The following MRPL33 variants were observed in gnomAD, a reference collection of about 807,000 sequenced individuals.
MRPL33 encodes large ribosomal subunit protein bL33m.
A neutral mutation model predicts 10.1 loss-of-function variants in MRPL33; 5 were observed. That is an observed-to-expected ratio of 0.49 (90% CI 0.26 to 1.04). The LOEUF is 1.04. Among genes scored for constraint, MRPL33 ranks in the 50% least tolerant of loss-of-function variants. The pLI is 0.14. For synonymous variants in MRPL33, 24 were observed against 27.7 expected (o/e 0.87, Z 0.42); for missense variants, 79 against 78.1 (o/e 1.01, Z -0.04).
chr2:27,774,323 C>A, intron 2 of MRPL33, 101 bp from the exon 3 acceptor site: 1 of 917,292 alleles, frequency 1.1e-6, no homozygotes, highest in Non-Finnish European at 1.8e-6. Context: ...TATCTCACAA[C>A]TAATATTACC....
intron 3 of MRPL33, among the ~76,000 whole-genome samples, chr2:27,777,710 C>A (rs1204212963): frequency 2.6e-5 from 4 of 152,132 alleles, no homozygotes; most frequent in African/African-American, 7.2e-5. Flanking sequence ...ATATTTTATT[C>A]TTTGAGTTAA....
intron 3 of MRPL33, among the ~76,000 whole-genome samples, chr2:27,778,198 G>A (rs969829677): frequency 6.6e-6 from 1 of 152,200 alleles, no homozygotes; most frequent in African/African-American, 2.4e-5. Flanking sequence ...AATTAAGGTA[G>A]GAGTGGAGGT....
intron 3 of MRPL33, among the ~76,000 whole-genome samples, chr2:27,776,348 GC>G (rs1677148424): frequency 6.6e-6 from 1 of 152,256 alleles, no homozygotes; most frequent in African/African-American, 2.4e-5. Context: ...CTCGGGGCCT[GC>G]CCCCATTGCC....
intron 1 of MRPL33, chr2:27,772,231 T>G (rs1677063664): frequency 4.0e-6 from 1 of 248,746 alleles, no homozygotes; most frequent in South Asian, 9.6e-5. Flanking sequence ...GAGTCAGTGC[T>G]CTTCTTTACC....
At chr2:27,774,295 C>T (rs914047991) in intron 2 of MRPL33, 129 bp from the exon 3 acceptor site, 3 of 729,044 alleles carry the variant, frequency 4.1e-6, no homozygotes, top group Admixed American at 2.2e-5. Flanking sequence ...TACAACTGAA[C>T]CTTTTAGGGC....
Position 27,772,693 on chromosome 2 carries a change from G to A in MRPL33, c.41+1G>A. The A allele has an allele frequency of 1.2e-6, 2 of 1,601,304 alleles. No individual in the cohort carries two copies. Among genetic ancestry groups the A allele is most frequent in the Non-Finnish European group, 1.7e-6 (2 of 1,171,298 alleles). The stretch of plus-strand genomic sequence containing the variant: ...AAAAAGTTGCCAAGAGCAAGTCAAA[G>A]TAAGTAAAGATTTTTCCTTTTTTAA... On this transcript the variant is annotated splice_donor_variant, in intron 2 of 3. Transcript: ENST00000296102. LOFTEE classifies it high-confidence loss of function.
chr2:27,772,522 G>C (rs374264488), intron 1 of MRPL33, 152 bp from the exon 2 acceptor site: 4 of 606,290 alleles, frequency 6.6e-6, no homozygotes, highest in African/African-American at 1.9e-5. Flanking sequence ...ATCCCTAATA[G>C]ATAGGGAATA....
rs113542922 is a variant in MRPL33 at position 27,773,297 on chromosome 2, C to T, written c.41+605C>T. ...GTTCTAAAGCAGCTTTTCCTTGCAA[C>T]TCAAGACATTGAAAATCCTTAAAGC... On this transcript the variant is annotated intron_variant, in intron 2 of 3. Coordinates refer to ENST00000296102, the MANE Select transcript of MRPL33 (RefSeq NM_004891.4). Among the ~76,000 whole-genome samples, 12 of 152,326 alleles carry T rather than the reference C, an allele frequency of 7.9e-5. 2 individuals are homozygous for T. Among genetic ancestry groups the T allele is most frequent in the African/African-American group, 2.9e-4 (12 of 41,570 alleles).
intron 1 of MRPL33, chr2:27,772,383 C>G: frequency 6.0e-6 from 2 of 333,586 alleles, no homozygotes; most frequent in Non-Finnish European, 1.1e-5. Flanking sequence ...AAAAATGGAG[C>G]AGGTATTACT....
At chr2:27,776,213 C>A (rs752242257) in intron 3 of MRPL33, among the ~76,000 whole-genome samples, 2 of 152,236 alleles carry the variant, frequency 1.3e-5, no homozygotes, top group Non-Finnish European at 2.9e-5. Flanking sequence ...TGATAAGGAA[C>A]GGTCTTAGCT....
At chr2:27,772,796 GA>G in intron 2 of MRPL33, 104 bp downstream of exon 2, 2 of 878,154 alleles carry the variant, frequency 2.3e-6, no homozygotes. Flanking sequence ...ATTGGGCCTT[GA>G]TTTCCTAAGA....
intron 3 of MRPL33, 44 bp from the exon 4 acceptor site, chr2:27,779,389 T>TA: frequency 1.9e-6 from 3 of 1,572,960 alleles, no homozygotes; most frequent in East Asian, 4.5e-5. Context: ...ATGGCGATGA[T>TA]ACTTAATAAT....
chr2:27,773,499 C>T (rs752758111), intron 2 of MRPL33, among the ~76,000 whole-genome samples: 1 of 152,212 alleles, frequency 6.6e-6, no homozygotes, highest in Non-Finnish European at 1.5e-5. Context: ...TTCTGACTCT[C>T]GTTCTTTCTA....
At position 27,771,726 on chromosome 2, in the gene MRPL33, G is replaced by A. The variant is rs542560392; in HGVS notation, c.-52G>A. 6.2e-7 allele frequency: 1 copy of A among 1,612,236 alleles called. No individual in the cohort carries two copies. Among genetic ancestry groups the A allele is most frequent in the East Asian group, 2.2e-5 (1 of 44,858 alleles). The stretch of plus-strand genomic sequence containing the variant: ...GGGCCGTGCCCCGGAAGCAGTTGTT[G>A]TTGGTTGGGGGCCTTTTGGCCGGTG... On this transcript the variant is annotated 5_prime_UTR_variant, in exon 1 of 4. Transcript: ENST00000296102.
intron 3 of MRPL33, among the ~76,000 whole-genome samples, chr2:27,776,447 G>C (rs2148174259): frequency 1.3e-5 from 2 of 152,376 alleles, no homozygotes; most frequent in South Asian, 4.1e-4. Context: ...TTGTTGGTCT[G>C]CTTTATGAAG....
chr2:27,772,544 G>T, intron 1 of MRPL33, 130 bp from the exon 2 acceptor site: 1 of 679,338 alleles, frequency 1.5e-6, no homozygotes. Flanking sequence ...TTACTTGAGT[G>T]ACACCTCATG....
At chr2:27,774,600 T>C (rs1207441910) in intron 3 of MRPL33, 70 bp downstream of exon 3, 7 of 1,251,640 alleles carry the variant, frequency 5.6e-6, no homozygotes, top group Non-Finnish European at 8.2e-6. Context: ...CTGAACTCTC[T>C]GGAGGTGTTT....
Position 27,772,683 on chromosome 2 carries a change from G to GC in MRPL33, c.33dup (p.Lys12GlnfsTer36). 6.2e-7 allele frequency: 1 copy of GC among 1,601,444 alleles called. No individual in the cohort carries two copies. On this transcript the variant is annotated frameshift_variant, in exon 2 of 4. Coordinates refer to ENST00000296102, the MANE Select transcript of MRPL33 (RefSeq NM_004891.4). LOFTEE classifies it high-confidence loss of function. ...CCTGTCTACAAAAAAGTTGCCAAGA[G>GC]CAAGTCAAAGTAAGTAAAGATTTTT...
intron 2 of MRPL33, among the ~76,000 whole-genome samples, chr2:27,773,235 A>G (rs1181199200): frequency 6.6e-6 from 1 of 152,266 alleles, no homozygotes; most frequent in Non-Finnish European, 1.5e-5. Context: ...TAAATGTTGT[A>G]GACAATAACA....
Sources: allele counts gnomAD v4.1 joint callset (sites outside exome capture counted in the v4.1 genomes callset), GRCh38; gene constraint gnomAD v4.1.1; transcripts MANE v1.5; gene names NCBI Gene and HGNC (gene_info 2026-07-23, HGNC 2026-07-21).